Variants in PRKG1 observed in about 807,000 individuals in gnomAD.
PRKG1 encodes protein kinase cGMP-dependent 1, also known as cGMP-dependent protein kinase 1.
A neutral mutation model predicts 88.1 loss-of-function variants in PRKG1; 35 were observed. The observed-to-expected ratio is 0.40, with a 90% CI of 0.30 to 0.53. The LOEUF (loss-of-function observed/expected upper bound fraction) is 0.53, where lower values mean the gene tolerates loss of function less well. Among genes scored for constraint, PRKG1 ranks in the 20% least tolerant of loss-of-function variants. The pLI is 0.59. For synonymous variants in PRKG1, 303 were observed against 292.5 expected (o/e 1.04, Z -0.37); for missense variants, 540 against 839.8 (o/e 0.64, Z 4.41).
intron 2 of PRKG1, among the ~76,000 whole-genome samples, chr10:51,210,225 T>C (rs1175426595): frequency 6.6e-6 from 1 of 151,966 alleles, no homozygotes; most frequent in Non-Finnish European, 1.5e-5. Flanking sequence ...ACCGGGTACA[T>C]AACGAAATGA....
chr10:51,071,205 C>T (rs368623331), upstream of PRKG1, among the ~76,000 whole-genome samples: 4 of 152,210 alleles, frequency 2.6e-5, no homozygotes, highest in East Asian at 1.9e-4. Flanking sequence ...CTAAGTACAA[C>T]GCAGAAGATG....
intron 2 of PRKG1, among the ~76,000 whole-genome samples, chr10:51,392,733 C>G (rs1463453682): frequency 7.0e-6 from 1 of 142,812 alleles, no homozygotes; most frequent in African/African-American, 2.5e-5. Context: ...CCTCACCTCC[C>G]GGACGGGGCG....
At chr10:51,337,046 C>T (rs1270287207) in intron 2 of PRKG1, among the ~76,000 whole-genome samples, 2 of 152,128 alleles carry the variant, frequency 1.3e-5, no homozygotes, top group African/African-American at 4.8e-5. Flanking sequence ...CAGCATGGTA[C>T]TGTTACAAAA....
At chr10:51,660,703 G>A (rs576786135) in intron 3 of PRKG1, among the ~76,000 whole-genome samples, 2 of 152,180 alleles carry the variant, frequency 1.3e-5, no homozygotes, top group South Asian at 2.1e-4. Context: ...TGGATTCAGA[G>A]CTGAAAATGA....
At chr10:51,424,282 A>G (rs1838506696) in intron 2 of PRKG1, among the ~76,000 whole-genome samples, 1 of 152,096 alleles carries the variant, frequency 6.6e-6, no homozygotes, top group South Asian at 2.1e-4. Context: ...ATACATGGAT[A>G]TCTATATTAA....
rs115811864 is a variant in PRKG1, at chr10:52,082,386, T to G, written c.935+19755T>G. ...CCTAGAAGGCCCTTTAACATACCTA[T>G]TACTGTGCTTAAACATGTTTAACAG... On this transcript the variant is annotated intron_variant, in intron 7 of 17. Transcript: ENST00000373980. Among the ~76,000 whole-genome samples, 374 of 152,224 alleles carry G rather than the reference T, an allele frequency of 2.5e-3. 4 individuals carry two copies. The highest frequency in any genetic ancestry group is 8.5e-3 in the African/African-American group (352 of 41,554).
intron 3 of PRKG1, among the ~76,000 whole-genome samples, chr10:51,666,282 C>T (rs10733853): frequency 0.85 from 129,904 of 152,144 alleles, 56,542 homozygotes; most frequent in Middle Eastern, 0.95. Context: ...CTTTGGCTGC[C>T]TCTCCAACCA....
chr10:52,239,921 A>G (rs780527599), intron 9 of PRKG1, among the ~76,000 whole-genome samples: 8 of 152,328 alleles, frequency 5.3e-5, no homozygotes, highest in Non-Finnish European at 1.2e-4. Context: ...GAAAGGCACC[A>G]GTTTCTAATA....
intron 3 of PRKG1, among the ~76,000 whole-genome samples, chr10:51,722,840 G>A (rs565645536): frequency 6.6e-6 from 1 of 152,198 alleles, no homozygotes; most frequent in Non-Finnish European, 1.5e-5. Context: ...CACTGCTAAA[G>A]GACTGATTAA....
chr10:51,303,166 T>TTAAC (rs1378274266), intron 2 of PRKG1, among the ~76,000 whole-genome samples: 1 of 152,142 alleles, frequency 6.6e-6, no homozygotes, highest in Non-Finnish European at 1.5e-5. Context: ...ATGTAAGATA[T>TTAAC]TAACAAAATA....
intron 1 of PRKG1, among the ~76,000 whole-genome samples, chr10:51,141,090 G>A (rs755945097): frequency 1.3e-5 from 2 of 151,980 alleles, no homozygotes; most frequent in Non-Finnish European, 2.9e-5. Context: ...CCACAACCTC[G>A]GGGACCAACA....
At chr10:51,712,583 T>C (rs1841783605) in intron 3 of PRKG1, among the ~76,000 whole-genome samples, 1 of 69,088 alleles carries the variant, frequency 1.4e-5, no homozygotes, top group Admixed American at 1.3e-4. Flanking sequence ...ATTATTCCTT[T>C]TTTTTTTTTT....
intron 2 of PRKG1, among the ~76,000 whole-genome samples, chr10:51,442,316 A>G (rs966085342): frequency 6.6e-6 from 1 of 151,910 alleles, no homozygotes; most frequent in Non-Finnish European, 1.5e-5. Context: ...AATTTTTTTA[A>G]AGCAAATCAA....
intron 3 of PRKG1, among the ~76,000 whole-genome samples, chr10:51,731,176 C>A (rs909915585): frequency 6.6e-6 from 1 of 151,866 alleles, no homozygotes; most frequent in African/African-American, 2.4e-5. Context: ...AACAAACAAA[C>A]AAAAAACCCA....
At chr10:51,831,541 A>T (rs1043473902) in intron 4 of PRKG1, among the ~76,000 whole-genome samples, 2 of 152,218 alleles carry the variant, frequency 1.3e-5, no homozygotes, top group Non-Finnish European at 2.9e-5. Flanking sequence ...TGTGGGTAGA[A>T]AGACAACCCA....
intron 3 of PRKG1, among the ~76,000 whole-genome samples, chr10:51,549,745 A>G (rs1021605562): frequency 1.3e-5 from 2 of 152,040 alleles, no homozygotes; most frequent in Non-Finnish European, 2.9e-5. Context: ...GTGTCTTAAG[A>G]TTAGGGTGAT....
chr10:51,109,206 T>C (rs763080473), intron 1 of PRKG1, among the ~76,000 whole-genome samples: 8 of 152,160 alleles, frequency 5.3e-5, no homozygotes, highest in Non-Finnish European at 8.8e-5. Context: ...CAAGGAGGCA[T>C]ATTTGTAGAA....
chr10:51,966,926 A>T (rs1354252030), intron 5 of PRKG1, among the ~76,000 whole-genome samples: 1 of 152,074 alleles, frequency 6.6e-6, no homozygotes, highest in Non-Finnish European at 1.5e-5. Flanking sequence ...GCTGGAGAGG[A>T]TGTGGAGAAA....
At chr10:51,307,721 AC>A (rs1440987621) in intron 2 of PRKG1, among the ~76,000 whole-genome samples, 1 of 152,178 alleles carries the variant, frequency 6.6e-6, no homozygotes, top group Non-Finnish European at 1.5e-5. Flanking sequence ...AACATAAAAC[AC>A]CAGAGACTGA....
Sources: gnomAD v4.1 joint callset for allele counts (sites outside exome capture counted in the v4.1 genomes callset) on GRCh38, gnomAD v4.1.1 for gene constraint, MANE v1.5 for transcripts, NCBI Gene and HGNC (gene_info 2026-07-23, HGNC 2026-07-21) for gene names.